The following CYP4F3 variants were observed in gnomAD, a reference collection of about 807,000 sequenced individuals.
CYP4F3 encodes the protein cytochrome P450 family 4 subfamily F member 3, also known as cytochrome P450 4F3.
A neutral mutation model predicts 54.8 loss-of-function variants in CYP4F3; 50 were observed. The ratio of observed to expected loss-of-function variants is 0.91; its 90% CI spans 0.73 to 1.16. The LOEUF (loss-of-function observed/expected upper bound fraction) is 1.16. Ranked by LOEUF, CYP4F3 falls within the 50% of genes most tolerant of loss-of-function variation. The pLI is 0.00. For missense variants in CYP4F3, 715 were observed against 676.2 expected (o/e 1.06, Z -0.64); for synonymous variants, 244 against 262.6 (o/e 0.93, Z 0.69).
At chr19:15,643,335 C>T (rs76275245) in intron 2 of CYP4F3, among the ~76,000 whole-genome samples, 24,066 of 130,528 alleles carry the variant, frequency 0.18, 2,058 homozygotes, top group East Asian at 0.24. Flanking sequence ...GATAGATAGA[C>T]AGATAGATAC....
intron 3 of CYP4F3, 138 bp from the exon 4 acceptor site, chr19:15,646,914 C>T (rs1326332585): frequency 5.5e-6 from 7 of 1,266,470 alleles, no homozygotes; most frequent in African/African-American, 1.5e-5. Flanking sequence ...CTGCCTTCTT[C>T]CTCTCCCCTT....
At chr19:15,645,501 AT>A (rs1300092667) in intron 2 of CYP4F3, among the ~76,000 whole-genome samples, 3 of 152,182 alleles carry the variant, frequency 2.0e-5, no homozygotes, top group African/African-American at 7.2e-5. Flanking sequence ...TGGTGTGTGG[AT>A]CCACATGGGG....
At chr19:15,645,678 C>T (rs778762124) in intron 2 of CYP4F3, 41 bp from the exon 3 acceptor site, 34 of 1,571,982 alleles carry the variant, frequency 2.2e-5, no homozygotes, top group Non-Finnish European at 2.7e-5. Flanking sequence ...TCTCTCGCAG[C>T]CTAGGAGAGC....
At chr19:15,642,928 CA>C (rs1321257039) in intron 2 of CYP4F3, among the ~76,000 whole-genome samples, 2 of 144,698 alleles carry the variant, frequency 1.4e-5, no homozygotes, top group East Asian at 4.2e-4. Context: ...ATGGATAATA[CA>C]TACATAAAGT....
At chr19:15,648,671 T>C (rs148129111) in intron 5 of CYP4F3, among the ~76,000 whole-genome samples, 343 of 152,224 alleles carry the variant, frequency 2.3e-3, no homozygotes, top group African/African-American at 7.3e-3. Context: ...TACGAGTATA[T>C]ATTGTCTAAT....
At chr19:15,648,606 C>G (rs1972697379) in intron 5 of CYP4F3, among the ~76,000 whole-genome samples, 2 of 152,130 alleles carry the variant, frequency 1.3e-5, no homozygotes, top group Admixed American at 6.5e-5. Flanking sequence ...GGAAACCCAA[C>G]ATTTATTGAG....
chr19:15,657,983 C>T (rs2365825), intron 9 of CYP4F3, among the ~76,000 whole-genome samples: 100,391 of 151,380 alleles, frequency 0.66, 33,807 homozygotes, highest in East Asian at 0.82. Flanking sequence ...AATCCATCAA[C>T]TTCCCAGGAT....
chr19:15,650,659 T>TC (rs1324998974), intron 7 of CYP4F3, among the ~76,000 whole-genome samples: 58 of 95,970 alleles, frequency 6.0e-4, no homozygotes, highest in African/African-American at 2.4e-3. Flanking sequence ...CCCTGCCTTC[T>TC]TTTTCTTTCT....
intron 9 of CYP4F3, among the ~76,000 whole-genome samples, chr19:15,655,346 T>A (rs1027907837): frequency 3.3e-5 from 5 of 152,226 alleles, no homozygotes; most frequent in Admixed American, 6.5e-5. Flanking sequence ...TTGTTGATTG[T>A]TTCCTTTGCT....
At chr19:15,642,761 T>G (rs1008967005) in intron 2 of CYP4F3, among the ~76,000 whole-genome samples, 1 of 152,142 alleles carries the variant, frequency 6.6e-6, no homozygotes, top group African/African-American at 2.4e-5. Context: ...GATAGATGGA[T>G]GGATGGATGC....
In CYP4F3 at chr19:15,645,711, C is replaced by T. The variant is rs1385125814; in HGVS notation, c.199-8C>T. On this transcript the variant is annotated splice_polypyrimidine_tract_variant and splice_region_variant and intron_variant, in intron 2 of 12. Transcript: ENST00000221307. Reference sequence around the variant, plus strand: ...AGCATGAATTGGGTCCTGTGTCTTTCTCTCCAGATTCACAGCTCGGAGGAA... The same window carrying T: ...AGCATGAATTGGGTCCTGTGTCTTTTTCTCCAGATTCACAGCTCGGAGGAA... 1.3e-6 allele frequency: 2 copies of T among 1,600,002 alleles called. No homozygotes were observed. Among genetic ancestry groups the T allele is most frequent in the Non-Finnish European group, 1.7e-6 (2 of 1,170,294 alleles).
Position 15,658,675 on chromosome 19 carries a change from G to T in CYP4F3, c.1315-52G>T, listed in dbSNP as rs368131719. The stretch of plus-strand genomic sequence containing the variant: ...AGACACACACCACTGTCTCTCCAAG[G>T]CTGGCGGACTGGGAGACCCCACCCG... On this transcript the variant is annotated intron_variant, in intron 11 of 12. Coordinates refer to ENST00000221307, the MANE Select transcript of CYP4F3 (RefSeq NM_000896.3). 1.3e-4 allele frequency: 212 copies of T among 1,611,070 alleles called. No individual in the cohort carries two copies. In the African/African-American group the frequency reaches 2.7e-3, roughly 20 times the overall value.
chr19:15,659,220 G>T lies in CYP4F3; in HGVS notation c.1398G>T (p.Arg466Ser). ...CAGAGTTTCCACCTCCCTCCCCAAGGAACTGCATCGGGCAGGCGTTCGCGA... is the reference window on the plus strand; with the variant it reads ...CAGAGTTTCCACCTCCCTCCCCAAGTAACTGCATCGGGCAGGCGTTCGCGA... ...LAFIPFSAGP[R>S]NCIGQAFAMA... is the part of the protein sequence containing the mutation. Residue 466 changes from arginine to serine, a missense_variant and splice_region_variant, in exon 13 of 13, where the codon AGG (arginine) becomes AGT (serine). Coordinates refer to ENST00000221307, the MANE Select transcript of CYP4F3 (RefSeq NM_000896.3). The T allele has an allele frequency of 6.3e-7, 1 of 1,593,914 alleles. No homozygotes were observed. Among genetic ancestry groups the T allele is most frequent in the Non-Finnish European group, 8.5e-7 (1 of 1,171,536 alleles).
rs376922016 is a variant in CYP4F3, at chr19:15,662,272, C to CAAAAAAAAAAAAAAAAAAAAAAAAAA, written c.*2907_*2908insAAAAAAAAAAAAAAAAAAAAAAAAAA. On this transcript the variant is annotated 3_prime_UTR_variant, in exon 13 of 13. Transcript: ENST00000221307. ...GGTGAAAGAGCTAGATTCTCTCTCT[C>CAAAAAAAAAAAAAAAAAAAAAAAAAA]AAAAAAAAAAAAAAAAAAAAGGAAA... 20 of 73,670 alleles carry CAAAAAAAAAAAAAAAAAAAAAAAAAA rather than the reference C, an allele frequency of 2.7e-4. 2 individuals carry two copies. The highest frequency in any genetic ancestry group is 5.9e-4 in the Admixed American group (4 of 6,752). The allele number at this position is 73,670 out of a possible 1,614,324, so 4.6% of individuals were successfully genotyped here. A position where few individuals can be genotyped will look rare whatever the true frequency, so the allele number is the denominator to read the frequency against.
At chr19:15,646,997 C>T in intron 3 of CYP4F3, 55 bp from the exon 4 acceptor site, 1 of 1,607,690 alleles carries the variant, frequency 6.2e-7, no homozygotes, top group Non-Finnish European at 8.5e-7. Flanking sequence ...CCCCCACCCC[C>T]AAAGTTCCTC....
Position 15,659,430 on chromosome 19 carries a change from T to A in CYP4F3, c.*45T>A. The A allele has an allele frequency of 6.3e-7, 1 of 1,596,790 alleles. No homozygotes were observed. On this transcript the variant is annotated 3_prime_UTR_variant, in exon 13 of 13. Transcript: ENST00000221307. ...TGACCCCACTAAAATGACCCCTGAT[T>A]CATCAAAAGTGAGGCCTAGAATTAC...
In CYP4F3 at chr19:15,652,442, A is replaced by C. The variant is rs576785602; in HGVS notation, c.919-127A>C. 1.4e-3 allele frequency: 1,976 copies of C among 1,420,990 alleles called. 29 individuals are homozygous for C. The highest frequency in any genetic ancestry group is 3.8e-4 in the Middle Eastern group (2 of 5,300). 88.0% of individuals were successfully genotyped at this position (1,420,990 alleles called of 1,614,324 possible). On this transcript the variant is annotated intron_variant, in intron 7 of 12. Transcript: ENST00000221307. ...TGACCAAGAAGGGTCTAGGAGAGCA[A>C]GATGGGCTTGGGTTTCTCGAAAGAG...
At position 15,649,175 on chromosome 19, in the gene CYP4F3, C is replaced by T. The variant is rs1219382885; in HGVS notation, c.541C>T (p.Leu181=). The change falls in exon 6 of 13, where the codon CTG becomes TTG. Residue 181 remains leucine (L), a synonymous_variant. Transcript: ENST00000221307. ...VNIMHAKWQL[L]ASEGSARLDM... ...CTCTGGCTAGGCCAAGTGGCAGCTC[C>T]TGGCCTCAGAGGGTAGTGCCCGTCT... 1.2e-6 allele frequency: 2 copies of T among 1,613,418 alleles called. No individual in the cohort carries two copies. Among genetic ancestry groups the T allele is most frequent in the South Asian group, 1.1e-5 (1 of 91,066 alleles).
rs945624675 is a variant in CYP4F3 at position 15,660,230 on chromosome 19, T to C, written c.*845T>C. ...ATTTAAAAGGTTTTGTTTCAGTTTG[T>C]AAGATTTCTTTTCTGGCACTTTAAT... On this transcript the variant is annotated 3_prime_UTR_variant, in exon 13 of 13. Transcript: ENST00000221307. 4 of 152,230 alleles carry C rather than the reference T, an allele frequency of 2.6e-5. No individual in the cohort carries two copies. The East Asian group carries it at 7.7e-4, about 29-fold the overall frequency. 9.4% of individuals were successfully genotyped at this position (152,230 alleles called of 1,614,324 possible). A position where few individuals can be genotyped will look rare whatever the true frequency, so the allele number is the denominator to read the frequency against.
Sources: gnomAD v4.1 joint callset for allele counts (sites outside exome capture counted in the v4.1 genomes callset) on GRCh38, gnomAD v4.1.1 for gene constraint, MANE v1.5 for transcripts, NCBI Gene and HGNC (gene_info 2026-07-23, HGNC 2026-07-21) for gene names.